TPO: variants seen among roughly 807,000 people sequenced by gnomAD.
The protein encoded by TPO is thyroid microsomal antigen.
TPO carries 78 observed loss-of-function variants against 96.9 expected under a neutral mutation model. The observed-to-expected ratio is 0.81, with a 90% CI of 0.67 to 0.97. The LOEUF is 0.97. TPO is among the 50% of genes least tolerant of loss of function. The probability of loss-of-function intolerance (pLI) is 0.00; values close to 1 mark genes in which losing one functional copy is unlikely to be tolerated. For missense variants in TPO, 1,252 were observed against 1,274.8 expected (o/e 0.98, Z 0.27); for synonymous variants, 547 against 538.0 (o/e 1.02, Z -0.23).
At chr2:1,511,483 A>G (rs1003427477) in intron 14 of TPO, among the ~76,000 whole-genome samples, 1 of 147,272 alleles carries the variant, frequency 6.8e-6, no homozygotes, top group African/African-American at 2.5e-5. Flanking sequence ...TGGGGGTGCC[A>G]CAGCGCAGCC....
rs761321809 is a variant in TPO at position 1,456,134 on chromosome 2, A to G, written c.671A>G (p.Asp224Gly). The stretch of plus-strand genomic sequence containing the variant: ...TCAAATGAGGTTGTCACAGATGATG[A>G]CCGCTATTCTGACCTCCTGATGGCA... ...QVSNEVVTDD[D>G]RYSDLLMAWG... is the part of the protein sequence containing the mutation. The change falls in exon 7 of 17, where the codon GAC becomes GGC. Residue 224 changes from aspartate to glycine, a missense_variant. Asp to Gly is a moderately conservative substitution (Grantham distance 94). Coordinates refer to ENST00000329066, the MANE Select transcript of TPO (RefSeq NM_001206744.2). The G allele has an allele frequency of 3.7e-6, 6 of 1,613,912 alleles. No homozygotes were observed. The highest frequency in any genetic ancestry group is 4.2e-6 in the Non-Finnish European group (5 of 1,180,036).
chr2:1,538,205 A>ATCTC, intron 15 of TPO, among the ~76,000 whole-genome samples: 1 of 152,042 alleles, frequency 6.6e-6, no homozygotes, highest in East Asian at 1.9e-4. Flanking sequence ...CTCCCTGTGA[A>ATCTC]TCTCTCCTCC....
At chr2:1,412,880 ATC>A (rs1157146774), upstream of TPO, among the ~76,000 whole-genome samples, 2 of 151,992 alleles carry the variant, frequency 1.3e-5, no homozygotes, top group African/African-American at 4.8e-5. Flanking sequence ...CCTACAGAAC[ATC>A]TCTGTCTTTG....
At chr2:1,528,420 C>T (rs1226053093) in intron 15 of TPO, among the ~76,000 whole-genome samples, 4 of 132,868 alleles carry the variant, frequency 3.0e-5, no homozygotes, top group African/African-American at 5.8e-5. Context: ...ACCCGGTGTG[C>T]AACCTGCTCA....
chr2:1,532,530 C>G (rs1272513057), intron 15 of TPO, among the ~76,000 whole-genome samples: 2 of 131,108 alleles, frequency 1.5e-5, no homozygotes, highest in African/African-American at 6.0e-5. Flanking sequence ...GCAACCTCCT[C>G]AAATACCCCA....
At chr2:1,520,419 G>A (rs1573519778) in intron 15 of TPO, among the ~76,000 whole-genome samples, 1 of 152,176 alleles carries the variant, frequency 6.6e-6, no homozygotes, top group East Asian at 1.9e-4. Context: ...GACACGGGAG[G>A]GGAGAGAACC....
At chr2:1,506,407 G>A (rs1200568656) in intron 14 of TPO, among the ~76,000 whole-genome samples, 2 of 152,128 alleles carry the variant, frequency 1.3e-5, no homozygotes. Flanking sequence ...CCAGTAATGG[G>A]ATTGCTGGGT....
Position 1,496,688 on chromosome 2 carries a change from ACGGGTATGAGCTCCAAGGC to A in TPO, c.2314_2332del (p.Tyr772SerfsTer20), listed in dbSNP as rs1337611840. Reference sequence around the variant, plus strand: ...CGCGTGCTGGTGTATTCCTGCCGGCACGGGTATGAGCTCCAAGGCCGGGAGCAGCTCACTTGCACCCAGG... The same window carrying A: ...CGCGTGCTGGTGTATTCCTGCCGGCACGGGAGCAGCTCACTTGCACCCAGG... On this transcript the variant is annotated frameshift_variant, in exon 13 of 17. Coordinates refer to ENST00000329066, the MANE Select transcript of TPO (RefSeq NM_001206744.2). LOFTEE classifies it high-confidence loss of function. 3 of 1,613,978 alleles carry A rather than the reference ACGGGTATGAGCTCCAAGGC, an allele frequency of 1.9e-6. No individual in the cohort carries two copies. The African/African-American group carries it at 4.0e-5, about 22-fold the overall frequency.
At chr2:1,378,278 C>T (rs13022750) in intron 1 of TPO, among the ~76,000 whole-genome samples, 15,877 of 152,232 alleles carry the variant, frequency 0.1, 1,597 homozygotes, top group African/African-American at 0.26. Context: ...TGCTGGAGAG[C>T]GGGGCCAGCT....
At chr2:1,470,225 G>A (rs1479383291) in intron 7 of TPO, among the ~76,000 whole-genome samples, 10 of 151,756 alleles carry the variant, frequency 6.6e-5, no homozygotes, top group Non-Finnish European at 1.5e-4. Context: ...AAGAAGCTGA[G>A]GCACAAAATA....
intron 1 of TPO, among the ~76,000 whole-genome samples, chr2:1,406,521 C>A (rs1021565189): frequency 2.6e-5 from 4 of 152,216 alleles, no homozygotes; most frequent in Non-Finnish European, 5.9e-5. Flanking sequence ...GGCTTGCAGC[C>A]CCCATCACCC....
intron 1 of TPO, among the ~76,000 whole-genome samples, chr2:1,381,912 T>C (rs1470745908): frequency 6.6e-6 from 1 of 152,016 alleles, no homozygotes; most frequent in Non-Finnish European, 1.5e-5. Context: ...CCTCATGAAA[T>C]TGTTGAGAAT....
chr2:1,426,896 C>G (rs192883290), intron 3 of TPO, among the ~76,000 whole-genome samples: 1 of 152,250 alleles, frequency 6.6e-6, no homozygotes, highest in Admixed American at 6.5e-5. Context: ...TAGAGTGTGC[C>G]TAAATCATTT....
At chr2:1,435,493 T>G (rs1514685) in intron 4 of TPO, among the ~76,000 whole-genome samples, 47,907 of 152,052 alleles carry the variant, frequency 0.32, 8,277 homozygotes, top group South Asian at 0.48. Flanking sequence ...TTTTTTTTCT[T>G]TTGAATATCT....
intron 3 of TPO, among the ~76,000 whole-genome samples, chr2:1,433,089 T>A (rs1158948310): frequency 6.6e-6 from 1 of 152,150 alleles, no homozygotes; most frequent in Non-Finnish European, 1.5e-5. Flanking sequence ...TCCTGTTTCA[T>A]TAGCTGGGAT....
At chr2:1,447,349 C>T (rs1666922961) in intron 5 of TPO, among the ~76,000 whole-genome samples, 1 of 152,230 alleles carries the variant, frequency 6.6e-6, no homozygotes, top group South Asian at 2.1e-4. Context: ...AATTGCCACT[C>T]AGAAAATTTT....
At chr2:1,428,562 G>A (rs1030095480) in intron 3 of TPO, among the ~76,000 whole-genome samples, 7 of 152,128 alleles carry the variant, frequency 4.6e-5, no homozygotes, top group African/African-American at 1.2e-4. Flanking sequence ...CTTTCCTGAC[G>A]TACCCCTTTT....
intron 2 of TPO, among the ~76,000 whole-genome samples, chr2:1,416,033 G>A (rs555235112): frequency 2.4e-4 from 36 of 152,230 alleles, no homozygotes; most frequent in East Asian, 1.9e-3. Flanking sequence ...ATGCCCCAAG[G>A]ATGGGCTACT....
At chr2:1,434,999 T>G (rs984972440) in intron 4 of TPO, among the ~76,000 whole-genome samples, 4 of 152,124 alleles carry the variant, frequency 2.6e-5, no homozygotes, top group Non-Finnish European at 5.9e-5. Context: ...AGTGGGGCGA[T>G]CTCGGCTCAC....
Sources: gnomAD v4.1 joint callset for allele counts (sites outside exome capture counted in the v4.1 genomes callset) on GRCh38, gnomAD v4.1.1 for gene constraint, MANE v1.5 for transcripts, NCBI Gene and HGNC (gene_info 2026-07-23, HGNC 2026-07-21) for gene names.